Variants in FRMPD4 observed in about 807,000 individuals in gnomAD.
The protein encoded by FRMPD4 is FERM and PDZ domain-containing protein 4.
FRMPD4 carries 22 observed loss-of-function variants against 94.1 expected under a neutral mutation model. That is an observed-to-expected ratio of 0.23 (90% CI 0.17 to 0.33). The LOEUF (loss-of-function observed/expected upper bound fraction) is 0.33, where lower values mean the gene tolerates loss of function less well. Ranked by LOEUF, FRMPD4 falls within the 10% of genes least tolerant of loss-of-function variation. The pLI is 1.00. For missense variants in FRMPD4, 1,111 were observed against 1,339.9 expected, an observed-to-expected ratio of 0.83 and a Z score of 2.67; for synonymous variants, 631 against 548.6, an observed-to-expected ratio of 1.15 and a Z score of -2.10.
chrX:12,035,258 T>C (rs1343031486), intron 3 of FRMPD4, among the ~76,000 whole-genome samples: 1 of 111,863 alleles, frequency 8.9e-6, no homozygotes, highest in African/African-American at 3.3e-5. Flanking sequence ...GTAAGTGTTA[T>C]ATGGTTTCCA....
At chrX:12,670,491 A>T (rs976150481) in intron 4 of FRMPD4, among the ~76,000 whole-genome samples, 55 of 112,381 alleles carry the variant, frequency 4.9e-4, no homozygotes, top group African/African-American at 1.6e-3. Flanking sequence ...AGCAATGGGG[A>T]AAGGATTCCC....
At chrX:12,678,544 G>A (rs1052141521) in intron 5 of FRMPD4, among the ~76,000 whole-genome samples, 2 of 112,225 alleles carry the variant, frequency 1.8e-5, no homozygotes, top group African/African-American at 6.5e-5. Flanking sequence ...GAGTTTCTAC[G>A]GCTGGGCATG....
intron 1 of FRMPD4, among the ~76,000 whole-genome samples, chrX:12,396,848 T>G (rs762512918): frequency 3.6e-5 from 4 of 112,148 alleles, no homozygotes; most frequent in Admixed American, 1.9e-4. Context: ...GAAAACTGAT[T>G]AGCTCATTGC....
intron 2 of FRMPD4, among the ~76,000 whole-genome samples, chrX:12,529,197 G>GT (rs201926451): frequency 0.019 from 2,103 of 112,337 alleles, 22 homozygotes; most frequent in Middle Eastern, 0.041. Context: ...GCAGGATTAG[G>GT]TTTCTCCAAG....
chrX:12,492,212 A>C (rs1170009688), intron 1 of FRMPD4, among the ~76,000 whole-genome samples: 1 of 112,029 alleles, frequency 8.9e-6, no homozygotes, highest in Non-Finnish European at 1.9e-5. Context: ...GGATTCTGTC[A>C]CTGGATTGTT....
intron 2 of FRMPD4, among the ~76,000 whole-genome samples, chrX:12,540,092 C>T (rs745389264): frequency 5.2e-4 from 58 of 112,043 alleles, no homozygotes; most frequent in Admixed American, 2.5e-3. Context: ...AAAGGAAGCA[C>T]TAAACGTGGA....
intron 2 of FRMPD4, among the ~76,000 whole-genome samples, chrX:12,501,442 G>GTT (rs147454207): frequency 0.011 from 1,079 of 94,164 alleles, 13 homozygotes; most frequent in Admixed American, 0.039. Context: ...TCCTTTCCTT[G>GTT]TTTTTTTTTT....
intron 1 of FRMPD4, among the ~76,000 whole-genome samples, chrX:12,371,690 C>T (rs1294893391): frequency 8.9e-6 from 1 of 111,754 alleles, no homozygotes; most frequent in East Asian, 2.8e-4. Flanking sequence ...ATGCTAAATA[C>T]TTAGCACAGT....
At chrX:12,074,571 T>A (rs1218343344) in intron 3 of FRMPD4, among the ~76,000 whole-genome samples, 1 of 112,022 alleles carries the variant, frequency 8.9e-6, no homozygotes, top group African/African-American at 3.2e-5. Flanking sequence ...TTCCCTGAAA[T>A]CAAGCCAGAT....
In FRMPD4 at chrX:12,721,975, A is replaced by G; in HGVS notation, c.*117A>G. 5 of 230,878 alleles carry G rather than the reference A, an allele frequency of 2.2e-5. No homozygotes were observed. The highest frequency in any genetic ancestry group is 3.1e-5 in the Non-Finnish European group (5 of 160,537). 19.0% of individuals were successfully genotyped at this position (230,878 alleles called of 1,213,427 possible). Reference sequence around the variant, plus strand: ...CTCTCTGTATATTTTGTTATTTTATATAAAATAGGAGATAAAAGTCACATT... The same window carrying G: ...CTCTCTGTATATTTTGTTATTTTATGTAAAATAGGAGATAAAAGTCACATT... On this transcript the variant is annotated 3_prime_UTR_variant, in exon 17 of 17. Transcript: ENST00000675598.
At chrX:12,003,360 A>C (rs1243231587) in intron 3 of FRMPD4, among the ~76,000 whole-genome samples, 1 of 110,555 alleles carries the variant, frequency 9.0e-6, no homozygotes, top group Non-Finnish European at 1.9e-5. Flanking sequence ...GTACATATAC[A>C]CCCATTAACT....
chrX:12,313,292 G>A (rs1226637845), intron 1 of FRMPD4, among the ~76,000 whole-genome samples: 1 of 112,389 alleles, frequency 8.9e-6, no homozygotes, highest in Non-Finnish European at 1.9e-5. Flanking sequence ...AAAATGTAGG[G>A]TTTGTAGATT....
chrX:12,628,518 T>G (rs748060566), intron 4 of FRMPD4, among the ~76,000 whole-genome samples: 1 of 112,668 alleles, frequency 8.9e-6, no homozygotes, highest in African/African-American at 3.2e-5. Flanking sequence ...GGACATAGAA[T>G]AGCCTCTGGG....
In FRMPD4 at chrX:12,412,808, T is replaced by G. The variant is rs748117170; in HGVS notation, c.42-85872T>G. 8.0e-5 allele frequency among the ~76,000 whole-genome samples: 9 copies of G among 112,302 alleles called. No individual in the cohort carries two copies. The South Asian group carries it at 3.0e-3, about 37-fold the overall frequency. The stretch of plus-strand genomic sequence containing the variant: ...AACTGCTGATTTCTCAGTCTGAGCC[T>G]TTCTGGTTGAATCTGAATCATCTTG... On this transcript the variant is annotated intron_variant, in intron 1 of 16. Coordinates refer to ENST00000675598, the MANE Select transcript of FRMPD4 (RefSeq NM_001368397.1).
chrX:11,856,492 T>C (rs2053654515), intron 1 of FRMPD4, among the ~76,000 whole-genome samples: 2 of 110,384 alleles, frequency 1.8e-5, no homozygotes, highest in Non-Finnish European at 1.9e-5. Flanking sequence ...AGGCTTTTGA[T>C]AAAATTCAAC....
At chrX:12,584,086 T>G (rs2058897603) in intron 2 of FRMPD4, among the ~76,000 whole-genome samples, 1 of 111,686 alleles carries the variant, frequency 9.0e-6, no homozygotes, top group Admixed American at 9.5e-5. Flanking sequence ...AATTCGGAAA[T>G]TGATTATCTT....
At chrX:12,168,546 A>G (rs745924082) in intron 1 of FRMPD4, among the ~76,000 whole-genome samples, 6 of 110,162 alleles carry the variant, frequency 5.4e-5, no homozygotes, top group Non-Finnish European at 1.1e-4. Context: ...TTTATTAGAT[A>G]ATAAGTTAGT....
At chrX:12,150,005 G>C (rs1475441342) in intron 1 of FRMPD4, among the ~76,000 whole-genome samples, 2 of 112,053 alleles carry the variant, frequency 1.8e-5, no homozygotes, top group East Asian at 5.5e-4. Context: ...ATAAACTAAG[G>C]TATGCCATTG....
At chrX:12,423,399 T>G (rs1368901280) in intron 1 of FRMPD4, among the ~76,000 whole-genome samples, 1 of 111,624 alleles carries the variant, frequency 9.0e-6, no homozygotes, top group Admixed American at 9.5e-5. Flanking sequence ...CCCAAAGGTC[T>G]TGGAAAAATA....
Sources: gnomAD v4.1 joint callset for allele counts (sites outside exome capture counted in the v4.1 genomes callset) on GRCh38, gnomAD v4.1.1 for gene constraint, MANE v1.5 for transcripts, NCBI Gene and HGNC (gene_info 2026-07-23, HGNC 2026-07-21) for gene names.